Variants in ZNF385D observed in about 807,000 individuals in gnomAD.
ZNF385D encodes the protein zinc finger protein 659.
A neutral mutation model predicts 35.8 loss-of-function variants in ZNF385D; 15 were observed. The ratio of observed to expected loss-of-function variants is 0.42; its 90% CI spans 0.28 to 0.64. The LOEUF is 0.64. Among genes scored for constraint, ZNF385D ranks in the 30% least tolerant of loss-of-function variants. ZNF385D has a pLI of 0.23. For synonymous variants in ZNF385D, 212 were observed against 186.8 expected (o/e 1.13, Z -1.10); for missense variants, 474 against 494.6 (o/e 0.96, Z 0.39).
At chr3:21,889,265 C>A (rs2125878615) in intron 3 of ZNF385D, among the ~76,000 whole-genome samples, 1 of 152,242 alleles carries the variant, frequency 6.6e-6, no homozygotes, top group South Asian at 2.1e-4. Flanking sequence ...AGAAACACAG[C>A]AGGCCTAGTA....
chr3:22,289,279 C>T (rs889373055), intron 2 of ZNF385D, among the ~76,000 whole-genome samples: 5 of 152,148 alleles, frequency 3.3e-5, no homozygotes, highest in African/African-American at 7.2e-5. Flanking sequence ...GCCTCATCAA[C>T]TCCTGAATCT....
chr3:22,110,415 TAAG>T (rs1470239913), intron 3 of ZNF385D, among the ~76,000 whole-genome samples: 1 of 151,950 alleles, frequency 6.6e-6, no homozygotes, highest in African/African-American at 2.4e-5. Context: ...TAGACTGGAT[TAAG>T]AAAATGTGGC....
chr3:21,823,309 T>C (rs940532573), intron 3 of ZNF385D, among the ~76,000 whole-genome samples: 25 of 152,160 alleles, frequency 1.6e-4, no homozygotes, highest in Non-Finnish European at 3.7e-4. Flanking sequence ...TTTAAATCAC[T>C]GTAGCCAAAT....
intron 3 of ZNF385D, among the ~76,000 whole-genome samples, chr3:22,027,271 G>C (rs1158362602): frequency 1.3e-5 from 2 of 152,264 alleles, no homozygotes; most frequent in South Asian, 2.1e-4. Flanking sequence ...TGCTACTCTG[G>C]CCCATTTACT....
chr3:22,339,699 C>T (rs1053958258), intron 2 of ZNF385D, among the ~76,000 whole-genome samples: 3 of 152,198 alleles, frequency 2.0e-5, no homozygotes, highest in Non-Finnish European at 4.4e-5. Context: ...AATTAATGCT[C>T]ACCTGCTTTA....
At chr3:21,545,506 T>C (rs1032232379) in intron 3 of ZNF385D, among the ~76,000 whole-genome samples, 4 of 152,234 alleles carry the variant, frequency 2.6e-5, no homozygotes, top group African/African-American at 9.6e-5. Context: ...TACACTCCTG[T>C]GATCAGAATT....
At chr3:21,807,899 G>A (rs2072725223) in intron 3 of ZNF385D, among the ~76,000 whole-genome samples, 1 of 152,106 alleles carries the variant, frequency 6.6e-6, no homozygotes, top group African/African-American at 2.4e-5. Flanking sequence ...ATTATTTTTA[G>A]TATGTAAGCT....
intron 3 of ZNF385D, among the ~76,000 whole-genome samples, chr3:22,082,806 C>T (rs974961768): frequency 6.6e-5 from 10 of 152,096 alleles, no homozygotes; most frequent in African/African-American, 1.2e-4. Flanking sequence ...CAGTAGGGGC[C>T]GACTGACACC....
At chr3:22,063,610 G>A (rs1315417037) in intron 3 of ZNF385D, among the ~76,000 whole-genome samples, 1 of 152,122 alleles carries the variant, frequency 6.6e-6, no homozygotes, top group Non-Finnish European at 1.5e-5. Context: ...TAATATATTT[G>A]TAGAGGATGC....
chr3:21,885,899 A>AG (rs776251890), intron 3 of ZNF385D, among the ~76,000 whole-genome samples: 1 of 151,934 alleles, frequency 6.6e-6, no homozygotes, highest in African/African-American at 2.4e-5. Flanking sequence ...AGCTCAGTGG[A>AG]GGTCAGTCTT....
intron 2 of ZNF385D, among the ~76,000 whole-genome samples, chr3:21,571,141 A>G (rs2063323699): frequency 6.6e-6 from 1 of 152,208 alleles, no homozygotes; most frequent in South Asian, 2.1e-4. Context: ...TCAGCAATCA[A>G]GTCTCTCAGT....
chr3:21,432,044 C>A (rs868392664), intron 5 of ZNF385D, among the ~76,000 whole-genome samples: 4 of 151,428 alleles, frequency 2.6e-5, no homozygotes, highest in Non-Finnish European at 5.9e-5. Context: ...ACAAATACAA[C>A]TTTTTTTTTC....
intron 3 of ZNF385D, among the ~76,000 whole-genome samples, chr3:21,552,343 T>C (rs1042152569): frequency 3.5e-4 from 54 of 152,190 alleles, no homozygotes; most frequent in Admixed American, 1.4e-3. Flanking sequence ...GTAAAATTGG[T>C]ACTTATGGAC....
intron 3 of ZNF385D, among the ~76,000 whole-genome samples, chr3:22,075,912 G>C (rs1428103136): frequency 6.6e-6 from 1 of 151,808 alleles, no homozygotes; most frequent in Non-Finnish European, 1.5e-5. Flanking sequence ...CCAGTTCCTT[G>C]AGTTGGATGT....
In ZNF385D at chr3:21,418,619, A is replaced by G. The variant is rs1041599283; in HGVS notation, c.*2595T>C. 2 of 152,190 alleles carry G rather than the reference A, an allele frequency of 1.3e-5. No individual in the cohort carries two copies. Among genetic ancestry groups the G allele is most frequent in the Non-Finnish European group, 2.9e-5 (2 of 68,034 alleles). 9.4% of individuals were successfully genotyped at this position (152,190 alleles called of 1,614,324 possible). The stretch of plus-strand genomic sequence containing the variant: ...TTCGTTTGTTCCCAGCAAATCATTA[A>G]AGACAGTAATGCCTTGTGACCCAGG... On this transcript the variant is annotated 3_prime_UTR_variant, in exon 8 of 8. Transcript: ENST00000281523.
intron 3 of ZNF385D, among the ~76,000 whole-genome samples, chr3:22,120,868 A>G (rs904975333): frequency 1.3e-5 from 2 of 152,170 alleles, no homozygotes; most frequent in East Asian, 1.9e-4. Context: ...AATGAGTACA[A>G]TATTAAAAAC....
At chr3:21,433,648 G>A (rs1701408617) in intron 5 of ZNF385D, among the ~76,000 whole-genome samples, 1 of 152,150 alleles carries the variant, frequency 6.6e-6, no homozygotes, top group African/African-American at 2.4e-5. Context: ...CAATAGTGGG[G>A]TATATTTAAA....
At chr3:21,503,909 T>C (rs1483015223) in intron 4 of ZNF385D, among the ~76,000 whole-genome samples, 2 of 152,154 alleles carry the variant, frequency 1.3e-5, no homozygotes, top group African/African-American at 2.4e-5. Flanking sequence ...CAAAAGTATT[T>C]TACTTTTGGT....
chr3:21,812,521 T>C (rs2072966717), intron 3 of ZNF385D, among the ~76,000 whole-genome samples: 1 of 152,232 alleles, frequency 6.6e-6, no homozygotes, highest in Non-Finnish European at 1.5e-5. Context: ...TCCAACAGTC[T>C]TAGCAAATGG....
Sources: allele counts gnomAD v4.1 joint callset (sites outside exome capture counted in the v4.1 genomes callset), GRCh38; gene constraint gnomAD v4.1.1; transcripts MANE v1.5; gene names NCBI Gene and HGNC (gene_info 2026-07-23, HGNC 2026-07-21).